CRPPA: variants seen among roughly 807,000 people sequenced by gnomAD.
CRPPA encodes the protein CDP-L-ribitol pyrophosphorylase A.
Under a neutral mutation model 52.0 loss-of-function variants are expected in CRPPA, and 43 were observed. The observed-to-expected ratio is 0.83, with a 90% CI of 0.65 to 1.07. The LOEUF is 1.07. Ranked by LOEUF, CRPPA falls within the 50% of genes least tolerant of loss-of-function variation. CRPPA has a pLI of 0.00. For synonymous variants in CRPPA, 250 were observed against 203.5 expected, an observed-to-expected ratio of 1.23 and a Z score of -1.94; for missense variants, 629 against 551.7, an observed-to-expected ratio of 1.14 and a Z score of -1.40.
At chr7:16,167,511 C>A (rs1057010856) in intron 9 of CRPPA, among the ~76,000 whole-genome samples, 2 of 152,132 alleles carry the variant, frequency 1.3e-5, no homozygotes, top group African/African-American at 4.8e-5. Flanking sequence ...GGAATAAAGG[C>A]CTTGGGTCCA....
intron 3 of CRPPA, among the ~76,000 whole-genome samples, chr7:16,372,240 T>C (rs1227070563): frequency 1.3e-5 from 2 of 152,140 alleles, no homozygotes; most frequent in African/African-American, 2.4e-5. Flanking sequence ...CCAAGGCACA[T>C]AGTCATCAGG....
intron 9 of CRPPA, among the ~76,000 whole-genome samples, chr7:16,123,786 A>G (rs1037423130): frequency 6.6e-6 from 1 of 152,168 alleles, no homozygotes; most frequent in African/African-American, 2.4e-5. Flanking sequence ...AAAAACAGCT[A>G]AACAAACAAA....
intron 8 of CRPPA, among the ~76,000 whole-genome samples, chr7:16,258,157 G>A (rs907748789): frequency 6.6e-6 from 1 of 151,144 alleles, no homozygotes; most frequent in Non-Finnish European, 1.5e-5. Flanking sequence ...TATGAAATTG[G>A]TTGCTGGGTT....
chr7:16,285,478 G>C (rs1199346004), intron 5 of CRPPA, among the ~76,000 whole-genome samples: 1 of 152,020 alleles, frequency 6.6e-6, no homozygotes, highest in Non-Finnish European at 1.5e-5. Flanking sequence ...TAACAAGTAA[G>C]GTGCCCCCAA....
At chr7:16,335,617 A>G (rs974535573) in intron 3 of CRPPA, among the ~76,000 whole-genome samples, 4 of 152,156 alleles carry the variant, frequency 2.6e-5, no homozygotes, top group African/African-American at 7.2e-5. Context: ...AAGAATAAAG[A>G]AGGCCTAGGA....
At chr7:16,241,877 A>G (rs1783117831) in intron 8 of CRPPA, among the ~76,000 whole-genome samples, 1 of 151,608 alleles carries the variant, frequency 6.6e-6, no homozygotes, top group Non-Finnish European at 1.5e-5. Flanking sequence ...ACTTGTAAGC[A>G]AGGAACCCAG....
At chr7:16,188,865 G>T (rs1000747844) in intron 9 of CRPPA, among the ~76,000 whole-genome samples, 1 of 152,110 alleles carries the variant, frequency 6.6e-6, no homozygotes, top group African/African-American at 2.4e-5. Context: ...ATTAATAACT[G>T]ACTAGTATAC....
intron 3 of CRPPA, among the ~76,000 whole-genome samples, chr7:16,313,186 C>T (rs1785070087): frequency 1.3e-5 from 2 of 151,818 alleles, no homozygotes; most frequent in African/African-American, 4.8e-5. Context: ...TACCAGTGAA[C>T]CCACCTAAGT....
At chr7:16,271,146 G>C (rs969861883) in intron 6 of CRPPA, among the ~76,000 whole-genome samples, 5 of 152,158 alleles carry the variant, frequency 3.3e-5, no homozygotes, top group African/African-American at 1.2e-4. Flanking sequence ...AAACAGGAAG[G>C]AGTGGATAAC....
At chr7:16,107,545 GA>G (rs1562507493) in intron 9 of CRPPA, among the ~76,000 whole-genome samples, 1 of 151,942 alleles carries the variant, frequency 6.6e-6, no homozygotes. Flanking sequence ...AAATGAAGGA[GA>G]AATAAGAAGT....
At chr7:16,158,311 T>C (rs1461457118) in intron 9 of CRPPA, among the ~76,000 whole-genome samples, 1 of 152,196 alleles carries the variant, frequency 6.6e-6, no homozygotes, top group Non-Finnish European at 1.5e-5. Flanking sequence ...ATTGTCATTA[T>C]ATACATTTCC....
intron 8 of CRPPA, among the ~76,000 whole-genome samples, chr7:16,230,843 C>T (rs149517279): frequency 1.3e-5 from 2 of 152,190 alleles, no homozygotes; most frequent in East Asian, 3.9e-4. Flanking sequence ...GGGCTCACTA[C>T]ATCAGTTGTT....
intron 3 of CRPPA, among the ~76,000 whole-genome samples, chr7:16,310,168 TATA>T (rs1785003534): frequency 6.6e-6 from 1 of 152,088 alleles, no homozygotes; most frequent in African/African-American, 2.4e-5. Context: ...GGGTTATAGT[TATA>T]ATGATATCAT....
chr7:16,130,857 G>C (rs1356367867), intron 9 of CRPPA, among the ~76,000 whole-genome samples: 66 of 152,140 alleles, frequency 4.3e-4, no homozygotes, highest in East Asian at 1.9e-4. Flanking sequence ...AAGGCCTTTG[G>C]GGGGTGATTA....
chr7:16,156,984 A>G (rs1267979296), intron 9 of CRPPA, among the ~76,000 whole-genome samples: 1 of 152,196 alleles, frequency 6.6e-6, no homozygotes, highest in South Asian at 2.1e-4. Context: ...GTGAGCAGCA[A>G]TAACATAGTT....
intron 5 of CRPPA, among the ~76,000 whole-genome samples, chr7:16,299,106 A>G (rs1332496093): frequency 1.3e-5 from 2 of 152,198 alleles, no homozygotes; most frequent in Non-Finnish European, 2.9e-5. Flanking sequence ...GTTTCTCTAA[A>G]CAACCCTGAT....
At chr7:16,149,326 T>C (rs1358644026) in intron 9 of CRPPA, among the ~76,000 whole-genome samples, 1 of 152,190 alleles carries the variant, frequency 6.6e-6, no homozygotes, top group Non-Finnish European at 1.5e-5. Flanking sequence ...AGTGAGGACG[T>C]TGAAACATTT....
In CRPPA at chr7:16,241,971, T is replaced by C. The variant is rs1295168; in HGVS notation, c.1119+16419A>G. The stretch of plus-strand genomic sequence containing the variant: ...CTTTTTTTTTTTTTTTTTTTTTTGT[T>C]GGGGGGAGATAGAGTCTCGCTCTGT... On this transcript the variant is annotated intron_variant, in intron 8 of 9. Transcript: ENST00000407010. 7.4e-4 allele frequency among the ~76,000 whole-genome samples: 64 copies of C among 86,184 alleles called. 2 individuals carry two copies. The highest frequency in any genetic ancestry group is 2.3e-3 in the Admixed American group (15 of 6,556). The allele number at this position is 86,184 out of a possible 152,430, so 56.5% of individuals were successfully genotyped here.
At chr7:16,113,557 T>A (rs1182343282) in intron 9 of CRPPA, among the ~76,000 whole-genome samples, 2 of 151,974 alleles carry the variant, frequency 1.3e-5, no homozygotes, top group Non-Finnish European at 2.9e-5. Flanking sequence ...TTAAAGCAAC[T>A]AGAAGGAATA....
Sources: gnomAD v4.1 joint callset for allele counts (sites outside exome capture counted in the v4.1 genomes callset) on GRCh38, gnomAD v4.1.1 for gene constraint, MANE v1.5 for transcripts, NCBI Gene and HGNC (gene_info 2026-07-23, HGNC 2026-07-21) for gene names.